Variants in F3 observed in about 807,000 individuals in gnomAD.
The protein encoded by F3 is tissue factor.
F3 carries 18 observed loss-of-function variants against 33.5 expected under a neutral mutation model. That is an observed-to-expected ratio of 0.54 (90% confidence interval 0.37 to 0.80). The LOEUF is 0.80. F3 is among the 30% of genes least tolerant of loss of function. The pLI, the probability that F3 is intolerant of heterozygous loss-of-function variation, is 0.00. For synonymous variants in F3, 147 were observed against 140.7 expected, an observed-to-expected ratio of 1.05 and a Z score of -0.32; for missense variants, 353 against 362.1, an observed-to-expected ratio of 0.97 and a Z score of 0.20.
chr1:94,538,382 T>C (rs529353353), intron 2 of F3, among the ~76,000 whole-genome samples: 2 of 152,298 alleles, frequency 1.3e-5, no homozygotes, highest in African/African-American at 2.4e-5. Context: ...GAGTTCCAAG[T>C]AGGGGCTTCT....
chr1:94,536,031 C>G lies in F3; in HGVS notation c.346G>C (p.Glu116Gln). ...GGCTCCCCAGCAGAACCGGTGCTCT[C>G]CACATTCCCTGCCGGGTAGGAGAAG... ...RVFSYPAGNV[E>Q]STGSAGEPLY... is the part of the protein sequence containing the mutation. Residue 116 changes from glutamate to glutamine, a missense_variant, in exon 3 of 6, where the codon GAG (glutamate) becomes CAG (glutamine). Physicochemically the swap from Glu to Gln is conservative, Grantham distance 29 (BLOSUM62 2). Transcript: ENST00000334047. The G allele has an allele frequency of 3.7e-6, 6 of 1,614,176 alleles. No homozygotes were observed. Among genetic ancestry groups the G allele is most frequent in the Non-Finnish European group, 5.1e-6 (6 of 1,180,038 alleles).
In F3 at chr1:94,532,387, T is replaced by C. The variant is rs1651459662; in HGVS notation, c.685A>G (p.Thr229Ala). ...FSVQAVIPSR[T>A]VNRKSTDSPV... Reference sequence around the variant, plus strand: ...CTGTCTGTACTCTTCCGGTTAACTGTTCGGGAGGGAATCACTGCTTGAACA... The same window carrying C: ...CTGTCTGTACTCTTCCGGTTAACTGCTCGGGAGGGAATCACTGCTTGAACA... Residue 229 changes from threonine (T) to alanine (A), a missense_variant, in exon 5 of 6, where the codon ACA (threonine) becomes GCA (alanine). Thr to Ala is a moderately conservative substitution (Grantham distance 58, BLOSUM62 0). Transcript: ENST00000334047. 6.2e-7 allele frequency: 1 copy of C among 1,614,192 alleles called. No homozygotes were observed. The highest frequency in any genetic ancestry group is 2.2e-5 in the East Asian group (1 of 44,862).
At chr1:94,532,194 CCA>C (rs1553176187) in intron 5 of F3, 125 bp downstream of exon 5, 2 of 470,656 alleles carry the variant, frequency 4.2e-6, no homozygotes, top group Non-Finnish European at 5.9e-6. Flanking sequence ...CAAAAAACCT[CCA>C]GGCAGTTTGT....
intron 4 of F3, 165 bp downstream of exon 4, chr1:94,532,925 C>G: frequency 1.5e-6 from 1 of 685,504 alleles, no homozygotes; most frequent in Non-Finnish European, 2.4e-6. Context: ...CAGGTAGGAC[C>G]AGGCCTGTTG....
chr1:94,530,400 C>T lies in F3; in HGVS notation c.*60G>A, dbSNP rs1046709096. On this transcript the variant is annotated 3_prime_UTR_variant, in exon 6 of 6. Transcript: ENST00000334047. ...TTTGCGTTTCCATGTATTCTATCCT[C>T]TTAAAAGTTCTCGGTCACAGTGCAA... 1.2e-5 allele frequency: 20 copies of T among 1,604,464 alleles called. No homozygotes were observed. The highest frequency in any genetic ancestry group is 1.5e-5 in the Non-Finnish European group (18 of 1,175,166).
intron 5 of F3, among the ~76,000 whole-genome samples, chr1:94,532,094 C>G (rs1651449236): frequency 6.6e-6 from 1 of 152,234 alleles, no homozygotes; most frequent in African/African-American, 2.4e-5. Flanking sequence ...CCTGCTAATA[C>G]AAGGGCACAA....
rs181735042 is a variant in F3, at chr1:94,537,722, T to C, written c.213-1558A>G. 2.8e-4 allele frequency among the ~76,000 whole-genome samples: 42 copies of C among 152,340 alleles called. No homozygotes were observed. In the East Asian group the frequency reaches 6.6e-3, roughly 24 times the overall value. ...AAAGGATTTGGGTAAACACATTCTT[T>C]ATCCTAAAGTGCACAAACTAAGATT... is the stretch of plus-strand genomic sequence containing the variant. On this transcript the variant is annotated intron_variant, in intron 2 of 5. Coordinates refer to ENST00000334047, the MANE Select transcript of F3 (RefSeq NM_001993.5).
intron 5 of F3, among the ~76,000 whole-genome samples, chr1:94,531,422 C>T (rs1448103573): frequency 1.3e-5 from 2 of 151,930 alleles, no homozygotes; most frequent in African/African-American, 2.4e-5. Context: ...CTGCCTCAAC[C>T]TCCTGAGTAG....
At position 94,536,092 on chromosome 1, in the gene F3, A is replaced by T; in HGVS notation, c.285T>A (p.Ile95=). 1 of 1,614,176 alleles carries T rather than the reference A, an allele frequency of 6.2e-7. No homozygotes were observed. Among genetic ancestry groups the T allele is most frequent in the Non-Finnish European group, 8.5e-7 (1 of 1,180,040 alleles). ...AGTACGTCTGCTTCACATCCTTCACAATCTCGTCGGTGAGGTCACACTCTG... is the reference window on the plus strand; with the variant it reads ...AGTACGTCTGCTTCACATCCTTCACTATCTCGTCGGTGAGGTCACACTCTG... ...TDTECDLTDE[I]VKDVKQTYLA... The change falls in exon 3 of 6, where the codon ATT becomes ATA. Residue 95 remains isoleucine, a synonymous_variant. Transcript: ENST00000334047.
In F3 at chr1:94,535,975, A is replaced by C; in HGVS notation, c.402T>G (p.Pro134=). The change falls in exon 3 of 6, where the codon CCT becomes CCG. Residue 134 remains proline, a synonymous_variant. Coordinates refer to ENST00000334047, the MANE Select transcript of F3 (RefSeq NM_001993.5). ...GCCCAAGCCACTTACTCTCCAGGTA[A>C]GGTGTGAACTCTGGGGAGTTCTCAT... ...PLYENSPEFT[P]YLETNLGQPT... is the part of the protein sequence containing the mutation. The C allele has an allele frequency of 6.2e-7, 1 of 1,614,140 alleles. No homozygotes were observed. The highest frequency in any genetic ancestry group is 8.5e-7 in the Non-Finnish European group (1 of 1,179,974).
chr1:94,532,887 C>A, intron 4 of F3: 1 of 602,296 alleles, frequency 1.7e-6, no homozygotes, highest in African/African-American at 1.9e-5. Flanking sequence ...GGGGGCCCTG[C>A]CCAGAGTCAC....
chr1:94,533,311 G>C, intron 3 of F3, 43 bp from the exon 4 acceptor site: 1 of 1,581,246 alleles, frequency 6.3e-7, no homozygotes, highest in African/African-American at 1.4e-5. Context: ...AAAGAATTCT[G>C]TACAAAGTCA....
At chr1:94,537,043 C>T (rs902596694) in intron 2 of F3, among the ~76,000 whole-genome samples, 3 of 152,072 alleles carry the variant, frequency 2.0e-5, no homozygotes, top group African/African-American at 7.2e-5. Flanking sequence ...TCTGTTTGCC[C>T]CATTATACTA....
intron 1 of F3, 35 bp downstream of exon 1, chr1:94,541,502 C>T: frequency 7.1e-7 from 1 of 1,417,730 alleles, no homozygotes; most frequent in Non-Finnish European, 9.3e-7. Context: ...CTGCGTGTGG[C>T]GCGCCCCGGG....
At chr1:94,538,780 T>C (rs561772448) in intron 2 of F3, among the ~76,000 whole-genome samples, 2 of 152,148 alleles carry the variant, frequency 1.3e-5, no homozygotes, top group African/African-American at 4.8e-5. Context: ...AGGAGAAGAG[T>C]GCACACCTCA....
intron 2 of F3, among the ~76,000 whole-genome samples, chr1:94,538,607 G>A (rs1364637501): frequency 6.6e-6 from 1 of 152,260 alleles, no homozygotes; most frequent in East Asian, 1.9e-4. Context: ...GGATGGTGGT[G>A]TGTGGATACT....
intron 2 of F3, among the ~76,000 whole-genome samples, chr1:94,539,385 C>T (rs1210478024): frequency 2.0e-5 from 3 of 152,154 alleles, no homozygotes; most frequent in Non-Finnish European, 4.4e-5. Flanking sequence ...AGTTGCATTC[C>T]TAATGCTGTA....
chr1:94,541,167 TGCA>T (rs1180291733), intron 1 of F3: 1 of 225,804 alleles, frequency 4.4e-6, no homozygotes, highest in East Asian at 9.3e-5. Flanking sequence ...CGCCAACACG[TGCA>T]GACGCAGGCA....
chr1:94,533,492 AG>A (rs1651497375), intron 3 of F3, among the ~76,000 whole-genome samples: 1 of 152,236 alleles, frequency 6.6e-6, no homozygotes, highest in Admixed American at 6.5e-5. Context: ...TGTCATTTTA[AG>A]TTTTCTAGTA....
Sources: gnomAD v4.1 joint callset for allele counts (sites outside exome capture counted in the v4.1 genomes callset) on GRCh38, gnomAD v4.1.1 for gene constraint, MANE v1.5 for transcripts, NCBI Gene and HGNC (gene_info 2026-07-23, HGNC 2026-07-21) for gene names.